Variants in SUSD1 observed in about 807,000 individuals in gnomAD.
SUSD1 encodes the protein sushi domain-containing protein 1.
A neutral mutation model predicts 86.9 loss-of-function variants in SUSD1; 65 were observed. That is an observed-to-expected ratio of 0.75 (90% CI 0.61 to 0.92). The LOEUF is 0.92. Ranked by LOEUF, SUSD1 falls within the 40% of genes least tolerant of loss-of-function variation. The pLI is 0.00. For synonymous variants in SUSD1, 346 were observed against 350.0 expected, an observed-to-expected ratio of 0.99 and a Z score of 0.13; for missense variants, 850 against 929.7, an observed-to-expected ratio of 0.91 and a Z score of 1.11.
At chr9:112,160,713 T>G (rs549096966) in intron 1 of SUSD1, among the ~76,000 whole-genome samples, 2 of 152,108 alleles carry the variant, frequency 1.3e-5, no homozygotes, top group African/African-American at 4.8e-5. Flanking sequence ...GGATGCATGG[T>G]AATTGCCTTA....
chr9:112,105,049 CAGCAGAGAGGAAACTGGTAGAGAGA>C (rs1417961058), intron 8 of SUSD1: 1 of 151,992 alleles, frequency 6.6e-6, no homozygotes, highest in Non-Finnish European at 1.5e-5. Context: ...AAGAACGTGA[CAGCAGAGAGGAAACTGGTAGAGAGA>C]AGCAGAAATA....
Position 112,107,456 on chromosome 9 carries a change from G to GTAAA in SUSD1, c.1171+4194_1171+4197dup, listed in dbSNP as rs749393031. Among the ~76,000 whole-genome samples the GTAAA allele has an allele frequency of 2.5e-4, 38 of 151,648 alleles. No individual in the cohort carries two copies. The East Asian group carries it at 3.9e-3, about 15-fold the overall frequency. On this transcript the variant is annotated intron_variant, in intron 8 of 16. Coordinates refer to ENST00000374270, the MANE Select transcript of SUSD1 (RefSeq NM_022486.5). Reference sequence around the variant, plus strand: ...ACAGCGAGATTCTGCTCATAAATAAGTAAATAAATAAATAAATAGACAGAT... The same window carrying GTAAA: ...ACAGCGAGATTCTGCTCATAAATAAGTAAATAAATAAATAAATAAATAGACAGAT...
At chr9:112,096,972 G>A (rs1309869234) in intron 10 of SUSD1, among the ~76,000 whole-genome samples, 1 of 152,062 alleles carries the variant, frequency 6.6e-6, no homozygotes, top group Non-Finnish European at 1.5e-5. Flanking sequence ...TGCTCCTTGT[G>A]CAAACTCTGC....
intron 10 of SUSD1, among the ~76,000 whole-genome samples, chr9:112,094,829 A>G (rs1248025928): frequency 1.3e-5 from 2 of 152,242 alleles, no homozygotes; most frequent in Non-Finnish European, 2.9e-5. Flanking sequence ...GTGATACTCT[A>G]TAGTTAAAGA....
At chr9:112,163,016 A>AT in intron 1 of SUSD1, among the ~76,000 whole-genome samples, 1 of 152,310 alleles carries the variant, frequency 6.6e-6, no homozygotes, top group East Asian at 1.9e-4. Context: ...AATAAACTCT[A>AT]TATGTAATCA....
chr9:112,142,985 T>G (rs1274614416), intron 4 of SUSD1, among the ~76,000 whole-genome samples: 1 of 113,970 alleles, frequency 8.8e-6, no homozygotes, highest in Non-Finnish European at 1.8e-5. Flanking sequence ...TTTTTTTTTT[T>G]TTTTTTTTTT....
chr9:112,060,291 T>G (rs1244811847), intron 13 of SUSD1, among the ~76,000 whole-genome samples: 1 of 152,190 alleles, frequency 6.6e-6, no homozygotes, highest in African/African-American at 2.4e-5. Flanking sequence ...GAAGGGAGTC[T>G]TGCTCTGCTG....
intron 12 of SUSD1, among the ~76,000 whole-genome samples, chr9:112,070,741 T>G: frequency 6.6e-6 from 1 of 152,024 alleles, no homozygotes; most frequent in East Asian, 1.9e-4. Context: ...ATATTAAATG[T>G]ATCATAAAAT....
chr9:112,052,376 T>TCATA, intron 15 of SUSD1, 23 bp downstream of exon 15: 1 of 1,613,902 alleles, frequency 6.2e-7, no homozygotes, highest in South Asian at 1.1e-5. Flanking sequence ...AGGACAGCAT[T>TCATA]CATAGGCAGA....
chr9:112,076,493 G>A (rs1829518420), intron 12 of SUSD1, among the ~76,000 whole-genome samples: 1 of 152,178 alleles, frequency 6.6e-6, no homozygotes, highest in Non-Finnish European at 1.5e-5. Context: ...AAACAGAGAA[G>A]CCTGGGTGGA....
chr9:112,097,663 T>C (rs1830455793), intron 10 of SUSD1, among the ~76,000 whole-genome samples: 1 of 151,948 alleles, frequency 6.6e-6, no homozygotes, highest in Non-Finnish European at 1.5e-5. Context: ...CCTCCCAAAG[T>C]GCTGGGATTA....
chr9:112,124,122 C>T (rs1189799122), intron 6 of SUSD1, 135 bp downstream of exon 6: 5 of 776,694 alleles, frequency 6.4e-6, no homozygotes, highest in South Asian at 3.4e-5. Context: ...AAATCTAAAG[C>T]CAGGTGCACA....
intron 6 of SUSD1, among the ~76,000 whole-genome samples, chr9:112,122,833 T>C (rs1295067226): frequency 6.6e-6 from 1 of 152,176 alleles, no homozygotes; most frequent in Non-Finnish European, 1.5e-5. Flanking sequence ...CATGGATGTA[T>C]CTTAAAGACA....
At chr9:112,058,739 C>A (rs1054199495) in intron 13 of SUSD1, 53 bp from the exon 14 acceptor site, 2 of 1,585,320 alleles carry the variant, frequency 1.3e-6, no homozygotes, top group Admixed American at 1.8e-5. Flanking sequence ...GGAGTTCATT[C>A]ATTCATTCAT....
At position 112,175,147 on chromosome 9, in the gene SUSD1, G is replaced by T; in HGVS notation, c.89C>A (p.Ala30Glu). The change falls in exon 1 of 17, where the codon GCG becomes GAG. Residue 30 changes from alanine to glutamate, a missense_variant. Coordinates refer to ENST00000374270, the MANE Select transcript of SUSD1 (RefSeq NM_022486.5). This position sits in a 1 kb window ranked among gnomAD's most constrained non-coding sequence, Gnocchi z 4.7. Reference sequence around the variant, plus strand: ...CCCGCACTCACCGTCGGGGCCCGGCGCTCCCGCGGCGCCGCGGGCCAGGCC... The same window carrying T: ...CCCGCACTCACCGTCGGGGCCCGGCTCTCCCGCGGCGCCGCGGGCCAGGCC... ...LLGLARGAAG[A>E]PGPDGLDVCA... 9.3e-7 allele frequency: 1 copy of T among 1,069,962 alleles called. No homozygotes were observed. The highest frequency in any genetic ancestry group is 5.4e-5 in the Admixed American group (1 of 18,536). 66.3% of individuals were successfully genotyped at this position (1,069,962 alleles called of 1,614,324 possible). A position where few individuals can be genotyped will look rare whatever the true frequency, so the allele number is the denominator to read the frequency against.
chr9:112,073,921 A>G (rs576957007), intron 12 of SUSD1, among the ~76,000 whole-genome samples: 1 of 152,090 alleles, frequency 6.6e-6, no homozygotes, highest in Admixed American at 6.6e-5. Context: ...AGGGAAAGGG[A>G]AAGGAAGGGA....
intron 8 of SUSD1, among the ~76,000 whole-genome samples, chr9:112,107,671 T>C (rs1025251447): frequency 6.6e-6 from 1 of 152,048 alleles, no homozygotes; most frequent in Non-Finnish European, 1.5e-5. Flanking sequence ...CAAGCACAAA[T>C]AAATTAAGAA....
intron 14 of SUSD1, among the ~76,000 whole-genome samples, chr9:112,054,343 G>C (rs577135265): frequency 6.6e-6 from 1 of 152,290 alleles, no homozygotes; most frequent in Admixed American, 6.5e-5. Context: ...CCAGTACTTT[G>C]GGAGGCTGAG....
chr9:112,113,337 T>C lies in SUSD1; in HGVS notation c.887-469A>G, dbSNP rs2476934. Among the ~76,000 whole-genome samples, 96,762 of 152,056 alleles carry C rather than the reference T, an allele frequency of 0.64. 31,092 individuals carry two copies. Among genetic ancestry groups the C allele is most frequent in the East Asian group, 0.77 (3,994 of 5,158 alleles). On this transcript the variant is annotated intron_variant, in intron 6 of 16. Transcript: ENST00000374270. This position sits in a 1 kb window ranked among gnomAD's most constrained non-coding sequence, Gnocchi z 4.1. The stretch of plus-strand genomic sequence containing the variant: ...TGACATGTCTCACCACACAGGACCA[T>C]GCCTCAGAAACAGGTTGGGGCAAAC...
Sources: gnomAD v4.1 joint callset for allele counts (sites outside exome capture counted in the v4.1 genomes callset) on GRCh38, gnomAD v4.1.1 for gene constraint, Gnocchi (gnomAD v3.1) non-coding constraint, MANE v1.5 for transcripts, NCBI Gene and HGNC (gene_info 2026-07-23, HGNC 2026-07-21) for gene names.